Variants in SCFD2 observed in about 807,000 individuals in gnomAD.
SCFD2 encodes sec1 family domain-containing protein 2.
In SCFD2, 54 loss-of-function variants were observed where a neutral mutation model predicts 58.9. The ratio of observed to expected loss-of-function variants is 0.92; its 90% CI spans 0.74 to 1.15. The LOEUF is 1.15. SCFD2 is among the 50% of genes most tolerant of loss of function. SCFD2 has a pLI of 0.00. For synonymous variants in SCFD2, 321 were observed against 335.9 expected, an observed-to-expected ratio of 0.96 and a Z score of 0.49; for missense variants, 805 against 836.6, an observed-to-expected ratio of 0.96 and a Z score of 0.47.
intron 5 of SCFD2, among the ~76,000 whole-genome samples, chr4:53,142,473 A>C (rs1374182668): frequency 1.3e-5 from 2 of 152,234 alleles, no homozygotes; most frequent in African/African-American, 2.4e-5. Context: ...AAAACTGTAC[A>C]TCGGAATAAC....
chr4:52,896,462 G>A (rs1481454595), intron 7 of SCFD2, among the ~76,000 whole-genome samples: 8 of 152,184 alleles, frequency 5.3e-5, no homozygotes, highest in Non-Finnish European at 8.8e-5. Context: ...TCAAAGATCA[G>A]ATAGTTGTAG....
intron 5 of SCFD2, among the ~76,000 whole-genome samples, chr4:53,053,961 G>A (rs1172624670): frequency 4.6e-5 from 7 of 151,898 alleles, no homozygotes; most frequent in Middle Eastern, 3.4e-3. Context: ...ATTCTTTGTC[G>A]CTATTTTGAA....
At chr4:53,284,856 A>T (rs1238932535) in intron 3 of SCFD2, among the ~76,000 whole-genome samples, 1 of 152,330 alleles carries the variant, frequency 6.6e-6, no homozygotes, top group East Asian at 1.9e-4. Context: ...TGAAAGTTGG[A>T]TAAAGCCCAG....
At chr4:53,068,014 A>G (rs989816052) in intron 5 of SCFD2, among the ~76,000 whole-genome samples, 1 of 152,088 alleles carries the variant, frequency 6.6e-6, no homozygotes, top group Non-Finnish European at 1.5e-5. Flanking sequence ...TTCTTTCCAG[A>G]CTATAGACAG....
In SCFD2 at chr4:52,880,927, T is replaced by G. The variant is rs370498109; in HGVS notation, c.1962+4820A>C. 9.2e-5 allele frequency among the ~76,000 whole-genome samples: 14 copies of G among 152,176 alleles called. No homozygotes were observed. The East Asian group carries it at 9.7e-4, about 11-fold the overall frequency. ...AGTCCCACAGTAGGCATCAAGTGAG[T>G]GAGGAGAGAGGCTGGTGTTGGGCAC... is the stretch of plus-strand genomic sequence containing the variant. On this transcript the variant is annotated intron_variant, in intron 8 of 8. Coordinates refer to ENST00000401642, the MANE Select transcript of SCFD2 (RefSeq NM_152540.4).
At chr4:53,352,567 A>G in intron 2 of SCFD2, 31 bp downstream of exon 2, 1 of 1,554,948 alleles carries the variant, frequency 6.4e-7, no homozygotes, top group Non-Finnish European at 8.8e-7. Flanking sequence ...AAGACAGAGA[A>G]AGATAAGATG....
intron 3 of SCFD2, among the ~76,000 whole-genome samples, chr4:53,308,757 T>C (rs1183672472): frequency 6.6e-6 from 1 of 152,208 alleles, no homozygotes; most frequent in African/African-American, 2.4e-5. Context: ...CCAATACTGC[T>C]AAATGTTGAA....
At chr4:52,878,617 G>T (rs1718536240) in intron 8 of SCFD2, among the ~76,000 whole-genome samples, 1 of 152,058 alleles carries the variant, frequency 6.6e-6, no homozygotes, top group African/African-American at 2.4e-5. Flanking sequence ...CCCTAAACAG[G>T]AACAAAGATG....
intron 4 of SCFD2, among the ~76,000 whole-genome samples, chr4:53,256,757 C>T (rs1191819614): frequency 2.6e-5 from 4 of 151,640 alleles, no homozygotes; most frequent in East Asian, 1.9e-4. Flanking sequence ...GGCAGGCACT[C>T]GGCAGGCTGA....
intron 4 of SCFD2, among the ~76,000 whole-genome samples, chr4:53,221,120 A>C (rs1355967378): frequency 6.6e-6 from 1 of 152,226 alleles, no homozygotes; most frequent in East Asian, 1.9e-4. Flanking sequence ...GTGCTAGTGC[A>C]GTATATACAT....
At chr4:53,156,875 T>C (rs1461981041) in intron 4 of SCFD2, among the ~76,000 whole-genome samples, 1 of 152,264 alleles carries the variant, frequency 6.6e-6, no homozygotes, top group Non-Finnish European at 1.5e-5. Flanking sequence ...TGTTTTGAGT[T>C]GTGTACTGAA....
intron 5 of SCFD2, among the ~76,000 whole-genome samples, chr4:53,130,029 A>G (rs1725741671): frequency 6.6e-6 from 1 of 152,222 alleles, no homozygotes; most frequent in Admixed American, 6.5e-5. Context: ...GATCACACTG[A>G]AAATCCTGAC....
At chr4:53,287,306 T>C (rs1231239711) in intron 3 of SCFD2, among the ~76,000 whole-genome samples, 1 of 152,140 alleles carries the variant, frequency 6.6e-6, no homozygotes, top group African/African-American at 2.4e-5. Flanking sequence ...TCACTGCCTG[T>C]GGACCATGTC....
At position 52,874,089 on chromosome 4, in the gene SCFD2, G is replaced by A. The variant is rs377759652; in HGVS notation, c.1963-28C>T. On this transcript the variant is annotated intron_variant, in intron 8 of 8. Transcript: ENST00000401642. ...AACAACAGGAGAGGGCAAACACACC[G>A]CAGGGAATTAGGGGGGCCAATCTCA... 7.8e-4 allele frequency: 1,156 copies of A among 1,487,650 alleles called. 2 individuals are homozygous for A. The highest frequency in any genetic ancestry group is 1.0e-3 in the Non-Finnish European group (1,107 of 1,064,610). 92.2% of individuals were successfully genotyped at this position (1,487,650 alleles called of 1,614,324 possible).
chr4:53,019,769 G>T (rs2148812843), intron 5 of SCFD2, among the ~76,000 whole-genome samples: 1 of 152,202 alleles, frequency 6.6e-6, no homozygotes, highest in African/African-American at 2.4e-5. Context: ...TTTCCCAGTG[G>T]GTTCTCTGGT....
Position 52,959,927 on chromosome 4 carries a change from T to TACACACAC in SCFD2, c.1562-39058_1562-39057insGTGTGTGT, listed in dbSNP as rs773748716. On this transcript the variant is annotated intron_variant, in intron 5 of 8. Coordinates refer to ENST00000401642, the MANE Select transcript of SCFD2 (RefSeq NM_152540.4). ...ACACACACACACACACACACACACT[T>TACACACAC]GAATCACCTATACAGAAGAAAACAG... Among the ~76,000 whole-genome samples the TACACACAC allele has an allele frequency of 7.8e-5, 9 of 116,030 alleles. No individual in the cohort carries two copies. In the South Asian group the frequency reaches 2.1e-3, roughly 27 times the overall value. The allele number at this position is 116,030 out of a possible 152,430, so 76.1% of individuals were successfully genotyped here.
At chr4:52,973,489 T>C (rs1454754818) in intron 5 of SCFD2, among the ~76,000 whole-genome samples, 1 of 152,334 alleles carries the variant, frequency 6.6e-6, no homozygotes, top group Non-Finnish European at 1.5e-5. Flanking sequence ...AATCTCTGAA[T>C]AGACCAATAA....
intron 5 of SCFD2, among the ~76,000 whole-genome samples, chr4:52,929,593 G>A (rs557384238): frequency 6.6e-6 from 1 of 152,276 alleles, no homozygotes; most frequent in South Asian, 2.1e-4. Flanking sequence ...CCTGAAGGAA[G>A]GAAAACCATC....
chr4:52,929,104 A>T (rs756513062), intron 5 of SCFD2, among the ~76,000 whole-genome samples: 2 of 152,184 alleles, frequency 1.3e-5, no homozygotes, highest in Non-Finnish European at 2.9e-5. Context: ...TCTATTTAAC[A>T]AGCAAAACTA....
Sources: allele counts gnomAD v4.1 joint callset (sites outside exome capture counted in the v4.1 genomes callset), GRCh38; gene constraint gnomAD v4.1.1; transcripts MANE v1.5; gene names NCBI Gene and HGNC (gene_info 2026-07-23, HGNC 2026-07-21).